The following SLC19A1 variants were observed in gnomAD, a reference collection of about 807,000 sequenced individuals.
SLC19A1 encodes the protein solute carrier family 19 member 1.
In SLC19A1, 37 loss-of-function variants were observed where a neutral mutation model predicts 35.3. The ratio of observed to expected loss-of-function variants is 1.05; its 90% CI spans 0.81 to 1.38. The LOEUF is 1.38. Among genes scored for constraint, SLC19A1 ranks in the 40% most tolerant of loss-of-function variants. The pLI is 0.00. For missense variants in SLC19A1, 831 were observed against 826.9 expected (o/e 1.00, Z -0.06); for synonymous variants, 460 against 398.5 (o/e 1.15, Z -1.84).
In SLC19A1 at chr21:45,534,985, G is replaced by A. The variant is rs1461713919; in HGVS notation, c.189+2786C>T. On this transcript the variant is annotated intron_variant, in intron 2 of 5. Transcript: ENST00000311124. This position sits in a 1 kb window ranked among gnomAD's most constrained non-coding sequence, Gnocchi z 4.2. ...CCAAATCTACGTCCAGACGGCCTCA[G>A]GGCGGCTTCTCTGAACAGGGAGGCG... Among the ~76,000 whole-genome samples, 1 of 152,282 alleles carries A rather than the reference G, an allele frequency of 6.6e-6. No individual in the cohort carries two copies. The highest frequency in any genetic ancestry group is 1.5e-5 in the Non-Finnish European group (1 of 68,048).
intron 5 of SLC19A1, 149 bp downstream of exon 5, chr21:45,525,668 G>T: frequency 1.2e-6 from 1 of 806,178 alleles, no homozygotes; most frequent in Non-Finnish European, 1.9e-6. Flanking sequence ...TGCTCTCGCT[G>T]GCCTGGTGTG....
chr21:45,510,938 AAC>A (rs1440334117), downstream of SLC19A1, among the ~76,000 whole-genome samples: 7 of 41,990 alleles, frequency 1.7e-4, no homozygotes, highest in Non-Finnish European at 2.5e-4. Flanking sequence ...CCCCCAAAAA[AAC>A]ACACACCCAC....
Position 45,532,041 on chromosome 21 carries a change from C to G in SLC19A1, c.297G>C (p.Gln99His). 1 of 1,612,354 alleles carries G rather than the reference C, an allele frequency of 6.2e-7. No individual in the cohort carries two copies. The highest frequency in any genetic ancestry group is 8.5e-7 in the Non-Finnish European group (1 of 1,179,908). Reference protein sequence around the residue: ...YLRYTPVLLLQGLSFVSVWLL... With the variant: ...YLRYTPVLLLHGLSFVSVWLL... The stretch of plus-strand genomic sequence containing the variant: ...GCCACACCGACACGAAGCTGAGCCC[C>G]TGCAGCAGCAGCACCGGCGTGTAGC... Residue 99 changes from glutamine (Q) to histidine (H), a missense_variant, in exon 3 of 6, where the codon CAG (glutamine) becomes CAC (histidine). Gln to His is a conservative substitution (Grantham distance 24). Transcript: ENST00000311124.
intron 1 of SLC19A1, among the ~76,000 whole-genome samples, chr21:45,541,570 T>C (rs970388933): frequency 1.3e-5 from 2 of 152,344 alleles, no homozygotes; most frequent in African/African-American, 4.8e-5. Context: ...CCTAGGGGGA[T>C]GGCTTTCCTG....
rs371022747 is a variant in SLC19A1, at chr21:45,531,771, C to T, written c.567G>A (p.Ser189=). Residue 189 remains serine (S), a synonymous_variant, in exon 3 of 6, where the codon TCG becomes TCA. Transcript: ENST00000311124. ...CCACGCTGAAGGTGAGGAAGGCCAG[C>T]GAGATGTAGTTGAGCGTGGAGAAGG... ...RVSFSTLNYI[S]LAFLTFSVVL... 27 of 1,608,186 alleles carry T rather than the reference C, an allele frequency of 1.7e-5. No homozygotes were observed. Among genetic ancestry groups the T allele is most frequent in the East Asian group, 2.2e-5 (1 of 44,450 alleles).
chr21:45,512,265 C>T (rs773953865), downstream of SLC19A1: 29 of 1,611,636 alleles, frequency 1.8e-5, no homozygotes, highest in Non-Finnish European at 2.2e-5. Flanking sequence ...ACGTGGCGGA[C>T]GGAGGCTCCC....
At chr21:45,555,440 G>A (rs2078549662) in intron 1 of SLC19A1, among the ~76,000 whole-genome samples, 1 of 112,300 alleles carries the variant, frequency 8.9e-6, no homozygotes, top group Non-Finnish European at 1.9e-5. Context: ...GGGTGTTGGG[G>A]GCGGGAGGGG....
chr21:45,560,714 G>A (rs1026731378), intron 1 of SLC19A1, among the ~76,000 whole-genome samples: 1 of 152,228 alleles, frequency 6.6e-6, no homozygotes, highest in Admixed American at 6.5e-5. Flanking sequence ...GGTGCCTTGC[G>A]GAGTGGTGAC....
Position 45,531,369 on chromosome 21 carries a change from G to A in SLC19A1, c.949+20C>T, listed in dbSNP as rs769910216. On this transcript the variant is annotated intron_variant, in intron 3 of 5. Transcript: ENST00000311124. ...GGAAGCCTCTGCGGGAAGAAGCCTC[G>A]GGGACCAGGGCATGCGTACCCAGCA... 1.9e-6 allele frequency: 3 copies of A among 1,546,252 alleles called. No homozygotes were observed. The highest frequency in any genetic ancestry group is 2.6e-6 in the Non-Finnish European group (3 of 1,145,560).
rs2077997320 is a variant in SLC19A1 at position 45,533,293 on chromosome 21, A to C, written c.190-1145T>G. ...CTTCCATGGGAACGTGGAGCTGGGC[A>C]CGGGGCTGGGGGTGCTACCTCCTAC... is the stretch of plus-strand genomic sequence containing the variant. On this transcript the variant is annotated intron_variant, in intron 2 of 5. Transcript: ENST00000311124. This position sits in a 1 kb window ranked among gnomAD's most constrained non-coding sequence, Gnocchi z 4.5. Among the ~76,000 whole-genome samples the C allele has an allele frequency of 2.7e-5, 4 of 146,014 alleles. No homozygotes were observed. The South Asian group carries it at 8.9e-4, about 32-fold the overall frequency.
At chr21:45,511,658 C>T (rs1023766427), downstream of SLC19A1, among the ~76,000 whole-genome samples, 6 of 152,104 alleles carry the variant, frequency 3.9e-5, no homozygotes, top group African/African-American at 7.2e-5. Context: ...TCCCAAATGT[C>T]GCTGTGCCCT....
At chr21:45,509,934 T>TG, downstream of SLC19A1, 1 of 1,075,334 alleles carries the variant, frequency 9.3e-7, no homozygotes, top group South Asian at 1.6e-5. Flanking sequence ...GTGTGTCACT[T>TG]GCGCGCCTCC....
chr21:45,514,048 G>A lies in SLC19A1; in HGVS notation c.*1610C>T, dbSNP rs190273926. On this transcript the variant is annotated 3_prime_UTR_variant, in exon 6 of 6. Transcript: ENST00000311124. Reference sequence around the variant, plus strand: ...CAGCCATCCCTGTCCTGGTGGACGGGTGAGTGCAGGACTCAGAGGCAGGCA... The same window carrying A: ...CAGCCATCCCTGTCCTGGTGGACGGATGAGTGCAGGACTCAGAGGCAGGCA... 1.3e-5 allele frequency: 2 copies of A among 152,574 alleles called. No individual in the cohort carries two copies. The highest frequency in any genetic ancestry group is 3.9e-4 in the East Asian group (2 of 5,174). 9.5% of individuals were successfully genotyped at this position (152,574 alleles called of 1,614,324 possible).
At chr21:45,510,232 C>G (rs772118023), downstream of SLC19A1, 8 of 1,606,260 alleles carry the variant, frequency 5.0e-6, no homozygotes, top group Admixed American at 1.7e-5. Flanking sequence ...CCGTGCCGAC[C>G]GCGCAGCCGT....
chr21:45,547,011 C>T (rs377028710), upstream of SLC19A1, among the ~76,000 whole-genome samples: 1 of 152,168 alleles, frequency 6.6e-6, no homozygotes, highest in East Asian at 1.9e-4. Context: ...ATCAAAAATA[C>T]TAGAAATAAG....
rs142567000 is a variant in SLC19A1 at position 45,515,378 on chromosome 21, G to A, written c.*280C>T. The stretch of plus-strand genomic sequence containing the variant: ...GTCTCAAGCCCCCCAAGGGGCATGA[G>A]CCAGTGAGGCCTGGTGGACGCAGAA... On this transcript the variant is annotated 3_prime_UTR_variant, in exon 6 of 6. Transcript: ENST00000311124. The A allele has an allele frequency of 5.7e-4, 816 of 1,437,202 alleles. 4 individuals are homozygous for A. The African/African-American group carries it at 0.011, about 19-fold the overall frequency. The allele number at this position is 1,437,202 out of a possible 1,614,324, so 89.0% of individuals were successfully genotyped here.
At position 45,538,023 on chromosome 21, in the gene SLC19A1, G is replaced by A; in HGVS notation, c.-49-15C>T. The stretch of plus-strand genomic sequence containing the variant: ...TGACGCTGTGCCTGGAAGGAGGGGT[G>A]GAGTCAGGGCACCTTGGAAGATGGT... On this transcript the variant is annotated splice_polypyrimidine_tract_variant and intron_variant, in intron 1 of 5. Coordinates refer to ENST00000311124, the MANE Select transcript of SLC19A1 (RefSeq NM_194255.4). 7.3e-7 allele frequency: 1 copy of A among 1,362,756 alleles called. No homozygotes were observed. The highest frequency in any genetic ancestry group is 9.7e-7 in the Non-Finnish European group (1 of 1,028,872). 84.4% of individuals were successfully genotyped at this position (1,362,756 alleles called of 1,614,324 possible).
At chr21:45,512,299 G>A (rs751990845), downstream of SLC19A1, 84 of 1,612,244 alleles carry the variant, frequency 5.2e-5, no homozygotes, top group Middle Eastern at 1.7e-4. Context: ...AGGCCTCCTC[G>A]CTGCTGGGGG....
At position 45,540,256 on chromosome 21, in the gene SLC19A1, G is replaced by A. The variant is rs1020391275; in HGVS notation, c.-50+2112C>T. Among the ~76,000 whole-genome samples the A allele has an allele frequency of 2.0e-5, 3 of 152,176 alleles. No individual in the cohort carries two copies. Among genetic ancestry groups the A allele is most frequent in the African/African-American group, 7.2e-5 (3 of 41,436 alleles). On this transcript the variant is annotated intron_variant, in intron 1 of 5. Transcript: ENST00000311124. The surrounding 1 kb of genome is among the most constrained non-coding windows in gnomAD (Gnocchi z 5.5). ...AAGTTCACTTTCCCACCTGTCAGCA[G>A]GTTTAGACAGGCGCACCGATCCCCA...
Sources: allele counts gnomAD v4.1 joint callset (sites outside exome capture counted in the v4.1 genomes callset), GRCh38; gene constraint gnomAD v4.1.1; non-coding constraint Gnocchi (gnomAD v3.1); transcripts MANE v1.5; gene names NCBI Gene and HGNC (gene_info 2026-07-23, HGNC 2026-07-21).